The following NANOS3 variants were observed in gnomAD, a reference collection of about 807,000 sequenced individuals.
The protein encoded by NANOS3 is nanos C2HC-type zinc finger 3.
In NANOS3, 11 loss-of-function variants were observed where a neutral mutation model predicts 13.8. The ratio of observed to expected loss-of-function variants is 0.80; its 90% CI spans 0.50 to 1.32. NANOS3 has a LOEUF of 1.32. Ranked by LOEUF, NANOS3 falls within the 40% of genes most tolerant of loss-of-function variation. NANOS3 has a pLI of 0.00. For synonymous variants in NANOS3, 119 were observed against 115.4 expected (o/e 1.03, Z -0.20); for missense variants, 221 against 263.8 (o/e 0.84, Z 1.12).
At chr19:13,868,217 C>A (rs1363311458) in intron 1 of NANOS3, among the ~76,000 whole-genome samples, 1 of 151,878 alleles carries the variant, frequency 6.6e-6, no homozygotes, top group Non-Finnish European at 1.5e-5. Flanking sequence ...CGCTACCATG[C>A]CTGGCTAATT....
chr19:13,877,675 A>G lies in NANOS3; in HGVS notation c.427A>G (p.Thr143Ala). 6.2e-7 allele frequency: 1 copy of G among 1,611,544 alleles called. No individual in the cohort carries two copies. Among genetic ancestry groups the G allele is most frequent in the Non-Finnish European group, 8.5e-7 (1 of 1,179,724 alleles). Residue 143 changes from threonine to alanine, a missense_variant, in exon 1 of 2, where the codon ACC (threonine) becomes GCC (alanine). Around this residue, in one of 3 missense-constraint regions of NANOS3, gnomAD observed 49 missense variants for 91.0 expected, o/e 0.54. Transcript: ENST00000339133. ...CTACACCTCCGTCTACAGCCACACC[A>G]CCCGAAACTCGGCAGGCAAGAAGCT... is the stretch of plus-strand genomic sequence containing the variant. The part of the protein sequence containing the change: ...QGYTSVYSHT[T>A]RNSAGKKLVR...
At chr19:13,863,178 G>A (rs139022031), upstream of NANOS3, among the ~76,000 whole-genome samples, 247 of 151,806 alleles carry the variant, frequency 1.6e-3, no homozygotes, top group African/African-American at 5.3e-3. Context: ...AACCCCTTCC[G>A]CCTCTTTTTC....
upstream of NANOS3, among the ~76,000 whole-genome samples, chr19:13,872,434 C>G (rs1976342799): frequency 6.6e-6 from 1 of 152,118 alleles, no homozygotes. Flanking sequence ...CAGCCATCCT[C>G]CTGCCTCCCA....
At chr19:13,872,357 A>AG (rs1976340672), upstream of NANOS3, among the ~76,000 whole-genome samples, 1 of 150,418 alleles carries the variant, frequency 6.6e-6, no homozygotes, top group African/African-American at 2.5e-5. Flanking sequence ...AAAAAAAAAA[A>AG]AAAAGAGAGA....
chr19:13,865,293 C>CG (rs1310789245), upstream of NANOS3: 2 of 146,148 alleles, frequency 1.4e-5, no homozygotes, highest in Admixed American at 6.8e-5. Flanking sequence ...CCCCCTCCCC[C>CG]CCCCCGCCCA....
upstream of NANOS3, among the ~76,000 whole-genome samples, chr19:13,862,780 G>T (rs188728479): frequency 6.5e-4 from 99 of 152,150 alleles, no homozygotes; most frequent in East Asian, 0.017. Context: ...CTCGTGATCC[G>T]CCCGCCTCGG....
upstream of NANOS3, chr19:13,874,992 G>A (rs538571642): frequency 8.0e-5 from 41 of 512,324 alleles, 1 homozygote; most frequent in African/African-American, 5.4e-4. Context: ...GGCCAGACAC[G>A]GCTTAAGGGG....
chr19:13,874,906 A>C (rs777351145), upstream of NANOS3: 1 of 527,546 alleles, frequency 1.9e-6, no homozygotes, highest in Admixed American at 2.0e-5. Context: ...CCGAGGTCAC[A>C]ATCAACATTC....
At chr19:13,870,176 C>T (rs571898102) in intron 1 of NANOS3, among the ~76,000 whole-genome samples, 3 of 152,194 alleles carry the variant, frequency 2.0e-5, no homozygotes, top group Admixed American at 2.0e-4. Flanking sequence ...ACTTCCCTGG[C>T]TTGCGTGATC....
At chr19:13,864,096 G>C (rs1033748234), upstream of NANOS3, among the ~76,000 whole-genome samples, 3 of 152,110 alleles carry the variant, frequency 2.0e-5, no homozygotes, top group Non-Finnish European at 4.4e-5. Context: ...GGTTTGCCCT[G>C]ATGTGACCTT....
upstream of NANOS3, among the ~76,000 whole-genome samples, chr19:13,872,459 C>A (rs1176887547): frequency 6.6e-6 from 1 of 152,096 alleles, no homozygotes; most frequent in East Asian, 1.9e-4. Flanking sequence ...GCTGGGACTA[C>A]AGACAAGAAC....
intron 1 of NANOS3, among the ~76,000 whole-genome samples, chr19:13,878,127 C>T (rs1968557450): frequency 6.6e-6 from 1 of 152,076 alleles, no homozygotes; most frequent in Admixed American, 6.6e-5. Context: ...TGGGGTTTCA[C>T]CATGTTGGCC....
upstream of NANOS3, among the ~76,000 whole-genome samples, chr19:13,863,947 TA>T (rs1976193388): frequency 6.6e-6 from 1 of 151,926 alleles, no homozygotes; most frequent in Non-Finnish European, 1.5e-5. Flanking sequence ...CATGGCCCCA[TA>T]AGGGTTAAGG....
chr19:13,869,985 C>T (rs890745794), intron 1 of NANOS3, among the ~76,000 whole-genome samples: 2 of 152,024 alleles, frequency 1.3e-5, no homozygotes, highest in Non-Finnish European at 2.9e-5. Context: ...GCAGGACACA[C>T]GGGCCGCCAG....
At chr19:13,879,384 T>C (rs143571999) in intron 1 of NANOS3, among the ~76,000 whole-genome samples, 1 of 152,192 alleles carries the variant, frequency 6.6e-6, no homozygotes, top group East Asian at 1.9e-4. Context: ...GGATAGTGAC[T>C]GGGAGAGGAC....
chr19:13,863,944 CCA>C (rs1206158709), upstream of NANOS3, among the ~76,000 whole-genome samples: 1 of 151,954 alleles, frequency 6.6e-6, no homozygotes, highest in Non-Finnish European at 1.5e-5. Flanking sequence ...GGCCATGGCC[CCA>C]TAAGGGTTAA....
chr19:13,872,784 G>C (rs1968420670), upstream of NANOS3, among the ~76,000 whole-genome samples: 1 of 152,210 alleles, frequency 6.6e-6, no homozygotes, highest in South Asian at 2.1e-4. Context: ...TCTGCTGGAC[G>C]TGGCGGATGA....
At chr19:13,865,252 A>C (rs1435552732), upstream of NANOS3, among the ~76,000 whole-genome samples, 2 of 128,116 alleles carry the variant, frequency 1.6e-5, no homozygotes. Context: ...GGCGGCGGCC[A>C]CGGGTTCGAG....
intron 1 of NANOS3, among the ~76,000 whole-genome samples, chr19:13,880,229 T>G (rs1207725415): frequency 6.6e-6 from 1 of 152,000 alleles, no homozygotes; most frequent in East Asian, 1.9e-4. Flanking sequence ...GGCACCACAG[T>G]CGCAGAATCG....
Sources: gnomAD v4.1 joint callset for allele counts (sites outside exome capture counted in the v4.1 genomes callset) on GRCh38, gnomAD v4.1.1 for gene constraint, gnomAD v4.1.1 regional missense constraint, MANE v1.5 for transcripts, NCBI Gene and HGNC (gene_info 2026-07-23, HGNC 2026-07-21) for gene names.